WDR17: variants seen among roughly 807,000 people sequenced by gnomAD.
WDR17 encodes the protein WD repeat-containing protein 17.
Under a neutral mutation model 161.7 loss-of-function variants are expected in WDR17, and 143 were observed. The ratio of observed to expected loss-of-function variants is 0.88; its 90% CI spans 0.77 to 1.02. The LOEUF (loss-of-function observed/expected upper bound fraction) is 1.02, where lower values mean the gene tolerates loss of function less well. WDR17 is among the 50% of genes least tolerant of loss of function. The pLI, the probability that WDR17 is intolerant of heterozygous loss-of-function variation, is 0.00. For missense variants in WDR17, 1,469 were observed against 1,520.9 expected (o/e 0.97, Z 0.57); for synonymous variants, 517 against 515.6 (o/e 1.00, Z -0.04).
intron 1 of WDR17, among the ~76,000 whole-genome samples, chr4:176,074,965 T>A (rs1733781869): frequency 1.3e-5 from 2 of 152,014 alleles, no homozygotes; most frequent in South Asian, 4.2e-4. Context: ...CATCTAGAAA[T>A]AGCCAAATAT....
At position 176,159,980 on chromosome 4, in the gene WDR17, C is replaced by T. The variant is rs781067790; in HGVS notation, c.2526-14C>T. 9 of 1,571,898 alleles carry T rather than the reference C, an allele frequency of 5.7e-6. No homozygotes were observed. The African/African-American group carries it at 1.2e-4, about 21-fold the overall frequency. ...AATAATATATTGTTTAAAAAACTGT[C>T]CTTATTTTATTAGGAGAGCTGACCA... On this transcript the variant is annotated splice_polypyrimidine_tract_variant and intron_variant, in intron 18 of 28. Coordinates refer to ENST00000508596, the MANE Select transcript of WDR17 (RefSeq NM_181265.4).
intron 1 of WDR17, among the ~76,000 whole-genome samples, chr4:176,067,343 A>G (rs1732662796): frequency 6.6e-6 from 1 of 152,246 alleles, no homozygotes; most frequent in Non-Finnish European, 1.5e-5. Flanking sequence ...TTAATGTTAC[A>G]AATGGTAGCT....
chr4:176,109,028 G>A (rs73018049), intron 1 of WDR17, among the ~76,000 whole-genome samples: 4,966 of 152,176 alleles, frequency 0.033, 192 homozygotes, highest in African/African-American at 0.096. Flanking sequence ...GGGTTCAAGC[G>A]ATCCACCCAT....
chr4:176,139,015 A>G (rs1377481004), intron 9 of WDR17, among the ~76,000 whole-genome samples: 1 of 151,814 alleles, frequency 6.6e-6, no homozygotes, highest in Non-Finnish European at 1.5e-5. Flanking sequence ...TGAATGAATA[A>G]AAGGACTAGT....
intron 15 of WDR17, 131 bp from the exon 16 acceptor site, chr4:176,150,337 A>G: frequency 1.4e-6 from 2 of 1,441,348 alleles, no homozygotes; most frequent in Non-Finnish European, 1.9e-6. Context: ...GAAACAATAC[A>G]TGAGATAACA....
chr4:176,133,097 A>G (rs1441513601), intron 7 of WDR17, among the ~76,000 whole-genome samples: 1 of 151,560 alleles, frequency 6.6e-6, no homozygotes, highest in African/African-American at 2.4e-5. Flanking sequence ...CTCAAAAGAA[A>G]AAAGAAAAAA....
rs754638050 is a variant in WDR17, at chr4:176,146,099, T to C, written c.1634T>C (p.Val545Ala). ...GTATTTAGTGGGCATACAGCAAAAGTGTTTCATGTTAAATGGTCTCCTCTG... is the reference window on the plus strand; with the variant it reads ...GTATTTAGTGGGCATACAGCAAAAGCGTTTCATGTTAAATGGTCTCCTCTG... ...LKVFSGHTAK[V>A]FHVKWSPLRE... Residue 545 changes from valine to alanine, a missense_variant, in exon 12 of 29, where the codon GTG becomes GCG. By Grantham distance (64) the Val-to-Ala change is moderately conservative. Transcript: ENST00000508596. The C allele has an allele frequency of 2.8e-5, 45 of 1,613,846 alleles. No individual in the cohort carries two copies. Among genetic ancestry groups the C allele is most frequent in the Non-Finnish European group, 3.3e-5 (39 of 1,179,938 alleles).
intron 21 of WDR17, among the ~76,000 whole-genome samples, chr4:176,162,809 T>G (rs1749227440): frequency 6.6e-6 from 1 of 152,122 alleles, no homozygotes; most frequent in Non-Finnish European, 1.5e-5. Context: ...TATATAATCT[T>G]AAAGAAGCTC....
chr4:176,161,950 C>A, intron 20 of WDR17, 125 bp from the exon 21 acceptor site: 2 of 800,894 alleles, frequency 2.5e-6, no homozygotes, highest in African/African-American at 3.5e-5. Context: ...AAAAACAAGT[C>A]TTTAAAGCAA....
chr4:176,168,568 A>C (rs1053612755), intron 22 of WDR17, 104 bp from the exon 23 acceptor site: 1 of 1,353,168 alleles, frequency 7.4e-7, no homozygotes, highest in African/African-American at 1.5e-5. Context: ...TAAATTAAAA[A>C]GCAAGAGTGG....
chr4:176,161,721 T>C (rs1277402915), intron 20 of WDR17, among the ~76,000 whole-genome samples: 1 of 152,212 alleles, frequency 6.6e-6, no homozygotes, highest in Non-Finnish European at 1.5e-5. Context: ...TAACACATGC[T>C]AGCTGTATTT....
chr4:176,160,249 C>T, intron 19 of WDR17, 123 bp downstream of exon 19: 6 of 1,122,318 alleles, frequency 5.3e-6, no homozygotes, highest in Non-Finnish European at 7.3e-6. Context: ...GGCTTCTGCC[C>T]TCCTCCCTGG....
chr4:176,167,040 T>G (rs945418015), intron 22 of WDR17, among the ~76,000 whole-genome samples: 1 of 152,256 alleles, frequency 6.6e-6, no homozygotes, highest in Non-Finnish European at 1.5e-5. Context: ...TTGAAAATGT[T>G]ACTGTCCTGA....
chr4:176,107,002 A>G (rs1738852803), intron 1 of WDR17, among the ~76,000 whole-genome samples: 1 of 152,182 alleles, frequency 6.6e-6, no homozygotes. Flanking sequence ...ACAGCAACCC[A>G]CAGAATGAAG....
chr4:176,156,476 C>T (rs186229486), intron 18 of WDR17, among the ~76,000 whole-genome samples: 18 of 152,062 alleles, frequency 1.2e-4, no homozygotes, highest in Admixed American at 1.1e-3. Context: ...AGCATAGGTT[C>T]GTAAAATACT....
At chr4:176,091,542 G>T (rs1233757403) in intron 1 of WDR17, among the ~76,000 whole-genome samples, 2 of 151,892 alleles carry the variant, frequency 1.3e-5, no homozygotes, top group East Asian at 3.9e-4. Flanking sequence ...TCAAAAAAGT[G>T]GAAAAACTTG....
intron 20 of WDR17, among the ~76,000 whole-genome samples, chr4:176,161,342 T>C (rs994381268): frequency 6.6e-6 from 1 of 152,230 alleles, no homozygotes. Context: ...ATTAATGTTT[T>C]ACTCTAAAGT....
At chr4:176,134,041 T>C (rs1743980513) in intron 7 of WDR17, among the ~76,000 whole-genome samples, 1 of 151,768 alleles carries the variant, frequency 6.6e-6, no homozygotes, top group Non-Finnish European at 1.5e-5. Context: ...GTTCCTAACA[T>C]TGGAAATGAC....
chr4:176,149,879 C>A lies in WDR17; in HGVS notation c.1970C>A (p.Ser657Ter). ...CGTGACTCTACAGTGAGACTCTGGT[C>A]ATTAACAGCCTTAGTCACTCCTGTA... ...CSRDSTVRLW[S>*]LTALVTPVQI... Residue 657 changes from serine (S) to a stop codon, truncating the protein, a stop_gained, in exon 14 of 29, where the codon TCA becomes TAA. Coordinates refer to ENST00000508596, the MANE Select transcript of WDR17 (RefSeq NM_181265.4). LOFTEE classifies it high-confidence loss of function. 6.2e-7 allele frequency: 1 copy of A among 1,614,076 alleles called. No homozygotes were observed. The highest frequency in any genetic ancestry group is 8.5e-7 in the Non-Finnish European group (1 of 1,180,006).
Sources: allele counts gnomAD v4.1 joint callset (sites outside exome capture counted in the v4.1 genomes callset), GRCh38; gene constraint gnomAD v4.1.1; transcripts MANE v1.5; gene names NCBI Gene and HGNC (gene_info 2026-07-23, HGNC 2026-07-21).